The following MAML3 variants were observed in gnomAD, a reference collection of about 807,000 sequenced individuals.
MAML3 encodes the protein mastermind like transcriptional coactivator 3.
MAML3 carries 27 observed loss-of-function variants against 101.9 expected under a neutral mutation model. The observed-to-expected ratio is 0.27, with a 90% CI of 0.20 to 0.37. MAML3 has a LOEUF of 0.37. MAML3 is among the 10% of genes least tolerant of loss of function. The probability of loss-of-function intolerance (pLI) is 1.00; values close to 1 mark genes in which losing one functional copy is unlikely to be tolerated. For missense variants in MAML3, 1,316 were observed against 1,444.9 expected, an observed-to-expected ratio of 0.91 and a Z score of 1.45; for synonymous variants, 501 against 555.9, an observed-to-expected ratio of 0.90 and a Z score of 1.39.
At chr4:139,969,272 T>C (rs949905781) in intron 1 of MAML3, among the ~76,000 whole-genome samples, 15 of 150,906 alleles carry the variant, frequency 9.9e-5, no homozygotes, top group African/African-American at 3.2e-4. Context: ...ATCCCCGCCG[T>C]GGGATAGGTA....
intron 2 of MAML3, among the ~76,000 whole-genome samples, chr4:139,775,279 C>G (rs1007307050): frequency 2.6e-5 from 4 of 152,180 alleles, no homozygotes; most frequent in African/African-American, 9.7e-5. Flanking sequence ...TAAGCAACCT[C>G]CTGCTAGGCA....
chr4:139,903,887 G>A (rs950459482), intron 1 of MAML3, among the ~76,000 whole-genome samples: 10 of 152,148 alleles, frequency 6.6e-5, no homozygotes, highest in African/African-American at 2.4e-4. Flanking sequence ...GCACCATCTA[G>A]GTATCCTCAC....
chr4:139,721,440 A>G (rs1293811533), intron 4 of MAML3, among the ~76,000 whole-genome samples: 5 of 152,232 alleles, frequency 3.3e-5, no homozygotes, highest in African/African-American at 9.7e-5. Context: ...AAGGTGCAGC[A>G]TGGGAGCCAG....
At chr4:139,997,455 C>T (rs1045017269) in intron 1 of MAML3, among the ~76,000 whole-genome samples, 1 of 152,012 alleles carries the variant, frequency 6.6e-6, no homozygotes, top group Non-Finnish European at 1.5e-5. Flanking sequence ...CATTCCCTCC[C>T]ACCCTCTTTG....
In MAML3 at chr4:139,917,979, C is replaced by T. The variant is rs139525724; in HGVS notation, c.469-27012G>A. Among the ~76,000 whole-genome samples, 177 of 152,248 alleles carry T rather than the reference C, an allele frequency of 1.2e-3. 1 individual carries two copies. The highest frequency in any genetic ancestry group is 3.9e-3 in the African/African-American group (161 of 41,552). On this transcript the variant is annotated intron_variant, in intron 1 of 4. Coordinates refer to ENST00000509479, the MANE Select transcript of MAML3 (RefSeq NM_018717.5). Reference sequence around the variant, plus strand: ...TATAAAGGGAATAATCAGACTTTCTCTTTAAGTTTTGATTTTTATGTATTT... The same window carrying T: ...TATAAAGGGAATAATCAGACTTTCTTTTTAAGTTTTGATTTTTATGTATTT...
chr4:139,857,423 T>TG (rs1482242988), intron 2 of MAML3, among the ~76,000 whole-genome samples: 1 of 152,174 alleles, frequency 6.6e-6, no homozygotes, highest in African/African-American at 2.4e-5. Context: ...CTAGTGACTT[T>TG]GGATTTTCTT....
At chr4:139,865,994 G>C (rs1731892268) in intron 2 of MAML3, among the ~76,000 whole-genome samples, 1 of 152,256 alleles carries the variant, frequency 6.6e-6, no homozygotes, top group Non-Finnish European at 1.5e-5. Context: ...CAAGGGGCAT[G>C]CAGGTGGACC....
intron 1 of MAML3, among the ~76,000 whole-genome samples, chr4:140,064,224 C>T (rs1283820296): frequency 6.6e-6 from 1 of 152,110 alleles, no homozygotes; most frequent in African/African-American, 2.4e-5. Flanking sequence ...TTTGAAGAAT[C>T]TATGGTCATT....
chr4:139,985,472 T>C (rs1173597141), intron 1 of MAML3, among the ~76,000 whole-genome samples: 1 of 152,246 alleles, frequency 6.6e-6, no homozygotes, highest in Non-Finnish European at 1.5e-5. Flanking sequence ...GAAGTCTCAC[T>C]GTATACAACA....
At chr4:139,885,116 T>C (rs1732301527) in intron 2 of MAML3, among the ~76,000 whole-genome samples, 1 of 152,192 alleles carries the variant, frequency 6.6e-6, no homozygotes, top group African/African-American at 2.4e-5. Flanking sequence ...TAATAAATAC[T>C]CAGGCCGGGT....
At chr4:139,914,794 C>T (rs545210639) in intron 1 of MAML3, among the ~76,000 whole-genome samples, 1 of 152,330 alleles carries the variant, frequency 6.6e-6, no homozygotes, top group African/African-American at 2.4e-5. Context: ...TCTTTTTCCC[C>T]AGAATTGCCC....
rs369000853 is a variant in MAML3 at position 139,735,315 on chromosome 4, C to T, written c.2080-4648G>A. 7.9e-5 allele frequency among the ~76,000 whole-genome samples: 12 copies of T among 152,162 alleles called. No homozygotes were observed. The highest frequency in any genetic ancestry group is 6.2e-4 in the South Asian group (3 of 4,820). ...TGCCGTGTATCTCTGGGGTTATCTG[C>T]CCCCCTCCTCCGACTGACACTGAAC... On this transcript the variant is annotated intron_variant, in intron 2 of 4. Coordinates refer to ENST00000509479, the MANE Select transcript of MAML3 (RefSeq NM_018717.5). This position sits in a 1 kb window ranked among gnomAD's most constrained non-coding sequence, Gnocchi z 5.8.
intron 1 of MAML3, among the ~76,000 whole-genome samples, chr4:139,955,196 G>A (rs1338680665): frequency 1.3e-5 from 2 of 152,126 alleles, no homozygotes; most frequent in Admixed American, 1.3e-4. Context: ...CAAAAATAGA[G>A]AAAAGGGAAA....
intron 1 of MAML3, among the ~76,000 whole-genome samples, chr4:140,047,467 A>T (rs1022248918): frequency 1.3e-5 from 2 of 152,180 alleles, no homozygotes; most frequent in African/African-American, 2.4e-5. Flanking sequence ...AGTTGGTGAA[A>T]CCGAGAGGGC....
At position 139,853,665 on chromosome 4, in the gene MAML3, T is replaced by C. The variant is rs190211184; in HGVS notation, c.2079+35692A>G. ...TGTTATTAGCACTTGCTGAGGACTT[T>C]AGGCACTGCAGTCAGAAAATCAGAG... On this transcript the variant is annotated intron_variant, in intron 2 of 4. Transcript: ENST00000509479. Among the ~76,000 whole-genome samples the C allele has an allele frequency of 5.6e-3, 849 of 152,122 alleles. 4 individuals are homozygous for C. The highest frequency in any genetic ancestry group is 0.02 in the South Asian group (97 of 4,814).
chr4:140,073,383 C>T (rs1252931730), intron 1 of MAML3, among the ~76,000 whole-genome samples: 2 of 152,102 alleles, frequency 1.3e-5, no homozygotes, highest in Admixed American at 1.3e-4. Context: ...AGTGATCCAC[C>T]CACGTAGGTC....
At chr4:139,978,046 A>G (rs1303481362) in intron 1 of MAML3, among the ~76,000 whole-genome samples, 2 of 152,170 alleles carry the variant, frequency 1.3e-5, no homozygotes, top group African/African-American at 4.8e-5. Flanking sequence ...TGGGAGGGGA[A>G]GTGGTGCAGA....
At chr4:140,049,508 G>A (rs1392801539) in intron 1 of MAML3, among the ~76,000 whole-genome samples, 2 of 152,190 alleles carry the variant, frequency 1.3e-5, no homozygotes, top group African/African-American at 4.8e-5. Flanking sequence ...GAACAGAGGA[G>A]GGGGGAAGAG....
chr4:140,015,910 G>A (rs1472951794), intron 1 of MAML3, among the ~76,000 whole-genome samples: 1 of 152,108 alleles, frequency 6.6e-6, no homozygotes, highest in Non-Finnish European at 1.5e-5. Context: ...CCCAGATTGT[G>A]CCACTGCACT....
Sources: allele counts gnomAD v4.1 joint callset (sites outside exome capture counted in the v4.1 genomes callset), GRCh38; gene constraint gnomAD v4.1.1; non-coding constraint Gnocchi (gnomAD v3.1); transcripts MANE v1.5; gene names NCBI Gene and HGNC (gene_info 2026-07-23, HGNC 2026-07-21).